ITK: variants seen among roughly 807,000 people sequenced by gnomAD.
ITK encodes the protein tyrosine-protein kinase ITK/TSK.
Under a neutral mutation model 87.6 loss-of-function variants are expected in ITK, and 45 were observed. The ratio of observed to expected loss-of-function variants is 0.51; its 90% CI spans 0.40 to 0.66. The LOEUF is 0.66. Ranked by LOEUF, ITK falls within the 30% of genes least tolerant of loss-of-function variation. The pLI is 0.00. For missense variants in ITK, 605 were observed against 766.3 expected, an observed-to-expected ratio of 0.79 and a Z score of 2.48; for synonymous variants, 303 against 273.6, an observed-to-expected ratio of 1.11 and a Z score of -1.06.
intron 14 of ITK, 28 bp downstream of exon 14, chr5:157,245,818 G>C: frequency 6.2e-7 from 1 of 1,612,840 alleles, no homozygotes; most frequent in Non-Finnish European, 8.5e-7. Flanking sequence ...TGCCGGTGAA[G>C]TCTCAGGAAT....
chr5:157,243,592 G>C, intron 11 of ITK, 31 bp from the exon 12 acceptor site: 1 of 1,598,850 alleles, frequency 6.3e-7, no homozygotes, highest in Non-Finnish European at 8.6e-7. Context: ...ACTGCTTGCT[G>C]ACCCCAGAGA....
At chr5:157,236,653 A>G (rs771168506) in intron 8 of ITK, among the ~76,000 whole-genome samples, 1 of 152,224 alleles carries the variant, frequency 6.6e-6, no homozygotes, top group Non-Finnish European at 1.5e-5. Flanking sequence ...AACAAATGTT[A>G]CCAGTGCAAG....
intron 6 of ITK, among the ~76,000 whole-genome samples, chr5:157,224,648 G>T (rs1754494921): frequency 6.6e-6 from 1 of 152,124 alleles, no homozygotes; most frequent in African/African-American, 2.4e-5. Flanking sequence ...GGGTGTGGTG[G>T]CAGGCGCCTG....
At chr5:157,208,638 A>G (rs1754126599) in intron 1 of ITK, among the ~76,000 whole-genome samples, 1 of 152,176 alleles carries the variant, frequency 6.6e-6, no homozygotes, top group South Asian at 2.1e-4. Context: ...AGTGGGGTAC[A>G]TGACCCCGTG....
intron 10 of ITK, 62 bp from the exon 11 acceptor site, chr5:157,241,584 A>T: frequency 3.6e-6 from 4 of 1,118,322 alleles, no homozygotes; most frequent in African/African-American, 1.5e-5. Flanking sequence ...TTAGTGATTT[A>T]AGTTAGATGG....
chr5:157,214,152 C>T, intron 3 of ITK, 39 bp from the exon 4 acceptor site: 3 of 1,591,792 alleles, frequency 1.9e-6, no homozygotes, highest in Non-Finnish European at 2.6e-6. Context: ...GATAGACTGA[C>T]CTGGAAATAA....
rs146738280 is a variant in ITK at position 157,222,947 on chromosome 5, C to T, written c.580C>T (p.Arg194Cys). The T allele has an allele frequency of 1.2e-5, 20 of 1,614,064 alleles. No individual in the cohort carries two copies. Among genetic ancestry groups the T allele is most frequent in the South Asian group, 4.4e-5 (4 of 91,078 alleles). ...TNDPQELALRRNEEYCLLDSS... is the reference protein window; with the variant it reads ...TNDPQELALRCNEEYCLLDSS... ...TGATCCTCAGGAACTCGCACTGCGG[C>T]GCAACGAAGAGTACTGCCTGCTGGA... The change falls in exon 6 of 17, where the codon CGC (arginine) becomes TGC (cysteine). Residue 194 changes from arginine (R) to cysteine (C), a missense_variant. By Grantham distance (180) the Arg-to-Cys change is radical. Coordinates refer to ENST00000422843, the MANE Select transcript of ITK (RefSeq NM_005546.4).
chr5:157,232,260 A>G, intron 7 of ITK, 80 bp from the exon 8 acceptor site: 1 of 995,336 alleles, frequency 1.0e-6, no homozygotes, highest in Non-Finnish European at 1.6e-6. Flanking sequence ...TGACCATATG[A>G]TTTTCTAGCA....
At chr5:157,228,038 A>G (rs1754572619) in intron 6 of ITK, among the ~76,000 whole-genome samples, 1 of 151,872 alleles carries the variant, frequency 6.6e-6, no homozygotes, top group African/African-American at 2.4e-5. Context: ...ACAGGGTTTC[A>G]GCATATTGGC....
At chr5:157,218,034 TTCAGCAGA>T (rs143507224) in intron 5 of ITK, 127 bp downstream of exon 5, 17,739 of 883,290 alleles carry the variant, frequency 0.02, 262 homozygotes, top group Non-Finnish European at 0.028. Context: ...GCTGTCATGA[TTCAGCAGA>T]ACTCAACACA....
chr5:157,198,428 A>T (rs550462972), intron 1 of ITK, among the ~76,000 whole-genome samples: 1 of 152,288 alleles, frequency 6.6e-6, no homozygotes, highest in African/African-American at 2.4e-5. Flanking sequence ...CTCATAGCAC[A>T]TCCAGCCACA....
chr5:157,243,543 G>C (rs1011967409), intron 11 of ITK, 80 bp from the exon 12 acceptor site: 89 of 1,165,738 alleles, frequency 7.6e-5, no homozygotes, highest in Non-Finnish European at 1.0e-4. Flanking sequence ...ATTCTAGTTA[G>C]GGCTTTATAG....
intron 9 of ITK, among the ~76,000 whole-genome samples, chr5:157,239,601 C>T (rs1292365085): frequency 6.6e-6 from 1 of 152,072 alleles, no homozygotes; most frequent in East Asian, 1.9e-4. Flanking sequence ...TTCCCAAACA[C>T]CAGCCAAGGG....
At position 157,246,017 on chromosome 5, in the gene ITK, C is replaced by T. The variant is rs1317317442; in HGVS notation, c.1633+18C>T. 6 of 1,511,894 alleles carry T rather than the reference C, an allele frequency of 4.0e-6. No homozygotes were observed. The highest frequency in any genetic ancestry group is 5.5e-6 in the Non-Finnish European group (6 of 1,087,144). 93.7% of individuals were successfully genotyped at this position (1,511,894 alleles called of 1,614,324 possible). On this transcript the variant is annotated intron_variant, in intron 15 of 16. Coordinates refer to ENST00000422843, the MANE Select transcript of ITK (RefSeq NM_005546.4). ...GTCATTTGGTGAGTGTCATGCTGGG[C>T]CCCACTGCCCCATGATCTGGGCTTC... is the stretch of plus-strand genomic sequence containing the variant.
At chr5:157,193,725 T>C (rs1230948546) in intron 1 of ITK, among the ~76,000 whole-genome samples, 1 of 152,164 alleles carries the variant, frequency 6.6e-6, no homozygotes, top group Non-Finnish European at 1.5e-5. Context: ...AGTCTTTTAA[T>C]AGAAGCTGAA....
intron 5 of ITK, among the ~76,000 whole-genome samples, chr5:157,219,902 AT>A (rs1036043672): frequency 3.9e-5 from 6 of 152,204 alleles, no homozygotes; most frequent in Admixed American, 1.3e-4. Context: ...ACACTCTGCC[AT>A]TTGGCTTTTC....
chr5:157,243,503 A>G, intron 11 of ITK, 120 bp from the exon 12 acceptor site: 1 of 827,684 alleles, frequency 1.2e-6, no homozygotes, highest in Non-Finnish European at 2.1e-6. Context: ...TTTATTTGCC[A>G]TCTTTGAATT....
chr5:157,185,242 CTTT>C (rs796151659), intron 1 of ITK, among the ~76,000 whole-genome samples: 1 of 141,544 alleles, frequency 7.1e-6, no homozygotes, highest in Non-Finnish European at 1.6e-5. Context: ...AAAAAGCTAT[CTTT>C]TTTTTTTTTT....
At chr5:157,203,166 C>T (rs553689105) in intron 1 of ITK, among the ~76,000 whole-genome samples, 5 of 152,204 alleles carry the variant, frequency 3.3e-5, no homozygotes, top group Non-Finnish European at 7.3e-5. Flanking sequence ...CTCTTTCCAG[C>T]ACTTCTTTGT....
Sources: gnomAD v4.1 joint callset for allele counts (sites outside exome capture counted in the v4.1 genomes callset) on GRCh38, gnomAD v4.1.1 for gene constraint, MANE v1.5 for transcripts, NCBI Gene and HGNC (gene_info 2026-07-23, HGNC 2026-07-21) for gene names.